The following NRXN1 variants were observed in gnomAD, a reference collection of about 807,000 sequenced individuals.
The protein encoded by NRXN1 is neurexin 1.
A neutral mutation model predicts 150.9 loss-of-function variants in NRXN1; 39 were observed. That is an observed-to-expected ratio of 0.26 (90% confidence interval 0.20 to 0.34). The LOEUF (loss-of-function observed/expected upper bound fraction) is 0.34, where lower values mean the gene tolerates loss of function less well. Among genes scored for constraint, NRXN1 ranks in the 10% least tolerant of loss-of-function variants. The probability of loss-of-function intolerance (pLI) is 1.00; values close to 1 mark genes in which losing one functional copy is unlikely to be tolerated. For missense variants in NRXN1, 1,815 were observed against 1,949.9 expected (o/e 0.93, Z 1.30); for synonymous variants, 924 against 757.0 (o/e 1.22, Z -3.62).
intron 5 of NRXN1, among the ~76,000 whole-genome samples, chr2:50,751,048 G>C (rs772186769): frequency 6.6e-6 from 1 of 151,940 alleles, no homozygotes; most frequent in South Asian, 2.1e-4. Context: ...AGAGGAGGTA[G>C]TGTCAGTGGC....
At chr2:50,155,625 C>A (rs1213796331) in intron 18 of NRXN1, among the ~76,000 whole-genome samples, 1 of 151,382 alleles carries the variant, frequency 6.6e-6, no homozygotes, top group Non-Finnish European at 1.5e-5. Context: ...TATTTTTGAT[C>A]CTGTTTTTTT....
At chr2:50,375,506 T>TTTTTTTTTTTTTTTTTTG (rs1215502536) in intron 17 of NRXN1, among the ~76,000 whole-genome samples, 1 of 142,512 alleles carries the variant, frequency 7.0e-6, no homozygotes, top group South Asian at 2.2e-4. Flanking sequence ...CTGAAGCTCT[T>TTTTTTTTTTTTTTTTTTG]AATCACTAAA....
chr2:50,395,221 C>T (rs1478040372), intron 17 of NRXN1, among the ~76,000 whole-genome samples: 1 of 151,630 alleles, frequency 6.6e-6, no homozygotes, highest in East Asian at 2.0e-4. Context: ...ATAGTTGACA[C>T]TCAACAAATG....
At chr2:49,951,927 C>T (rs1674043702) in intron 21 of NRXN1, among the ~76,000 whole-genome samples, 1 of 151,906 alleles carries the variant, frequency 6.6e-6, no homozygotes, top group Non-Finnish European at 1.5e-5. Context: ...AGCATGACTC[C>T]AAATCCAAGC....
chr2:50,481,093 C>A (rs1283511511), intron 15 of NRXN1, among the ~76,000 whole-genome samples: 1 of 152,188 alleles, frequency 6.6e-6, no homozygotes, highest in Admixed American at 6.5e-5. Context: ...TTTAGGGCTA[C>A]AATACCAGAA....
At chr2:50,684,983 T>G (rs1574092812) in intron 5 of NRXN1, among the ~76,000 whole-genome samples, 1 of 152,176 alleles carries the variant, frequency 6.6e-6, no homozygotes, top group Non-Finnish European at 1.5e-5. Flanking sequence ...GATAGCTACA[T>G]CATTAAGAAA....
At chr2:50,334,209 A>ATATG (rs57342694) in intron 17 of NRXN1, among the ~76,000 whole-genome samples, 329 of 119,136 alleles carry the variant, frequency 2.8e-3, no homozygotes, top group African/African-American at 5.4e-3. Flanking sequence ...ATATATATAT[A>ATATG]TATGTATGTA....
At chr2:50,724,972 T>C (rs941922791) in intron 5 of NRXN1, among the ~76,000 whole-genome samples, 1 of 152,238 alleles carries the variant, frequency 6.6e-6, no homozygotes, top group East Asian at 1.9e-4. Flanking sequence ...TTCTAGGTGG[T>C]AGGATTAGAA....
At chr2:50,527,687 C>T (rs1461721101) in intron 12 of NRXN1, among the ~76,000 whole-genome samples, 3 of 152,198 alleles carry the variant, frequency 2.0e-5, no homozygotes, top group Admixed American at 2.0e-4. Context: ...TCTATTTGTT[C>T]CTCAGAGGAT....
At chr2:49,947,504 T>C (rs1218052667) in intron 21 of NRXN1, among the ~76,000 whole-genome samples, 1 of 122,794 alleles carries the variant, frequency 8.1e-6, no homozygotes, top group Admixed American at 8.6e-5. Context: ...TTTTTCTTTC[T>C]TTTTTTTTTC....
intron 5 of NRXN1, among the ~76,000 whole-genome samples, chr2:50,648,218 G>C (rs2104534640): frequency 6.6e-6 from 1 of 151,940 alleles, no homozygotes; most frequent in South Asian, 2.1e-4. Context: ...ACCTCCCACA[G>C]AGACCCTCTT....
At chr2:50,886,508 T>G (rs1019011706) in intron 5 of NRXN1, among the ~76,000 whole-genome samples, 1 of 151,442 alleles carries the variant, frequency 6.6e-6, no homozygotes, top group Non-Finnish European at 1.5e-5. Context: ...AGGAATAAAT[T>G]AGACAATCTC....
At chr2:50,682,143 C>G (rs952327205) in intron 5 of NRXN1, among the ~76,000 whole-genome samples, 2 of 152,138 alleles carry the variant, frequency 1.3e-5, no homozygotes, top group Non-Finnish European at 2.9e-5. Flanking sequence ...GAATTCACAC[C>G]TGGATTAATT....
At chr2:50,210,277 TTGGTTTATTCA>T (rs2062922062) in intron 18 of NRXN1, among the ~76,000 whole-genome samples, 9 of 151,914 alleles carry the variant, frequency 5.9e-5, no homozygotes, top group Non-Finnish European at 1.2e-4. Context: ...CGCACTGTGT[TTGGTTTATTCA>T]AAAAACTCTA....
At chr2:50,751,906 C>T (rs1345537028) in intron 5 of NRXN1, among the ~76,000 whole-genome samples, 3 of 151,878 alleles carry the variant, frequency 2.0e-5, no homozygotes, top group South Asian at 4.1e-4. Flanking sequence ...AGGGTTGAAA[C>T]CTCCTCCACT....
chr2:50,626,494 AC>A (rs1244474982), intron 5 of NRXN1, among the ~76,000 whole-genome samples: 2 of 151,984 alleles, frequency 1.3e-5, no homozygotes, highest in African/African-American at 4.8e-5. Context: ...AACAATTTAC[AC>A]TGTCAAGCAT....
intron 5 of NRXN1, among the ~76,000 whole-genome samples, chr2:50,881,315 C>G (rs7604366): frequency 0.33 from 50,616 of 151,720 alleles, 9,225 homozygotes; most frequent in Non-Finnish European, 0.42. Context: ...TGCTAATGTA[C>G]TTTGTTGCAA....
At chr2:50,309,616 T>C (rs2074990057) in intron 17 of NRXN1, among the ~76,000 whole-genome samples, 1 of 152,180 alleles carries the variant, frequency 6.6e-6, no homozygotes. Flanking sequence ...ACTCTTTTAG[T>C]TATGCATAAA....
chr2:50,655,885 G>C (rs1686377501), intron 5 of NRXN1, among the ~76,000 whole-genome samples: 1 of 151,848 alleles, frequency 6.6e-6, no homozygotes, highest in South Asian at 2.1e-4. Context: ...GAAATTCTCT[G>C]GCCAGCAATT....
Sources: gnomAD v4.1 joint callset for allele counts (sites outside exome capture counted in the v4.1 genomes callset) on GRCh38, gnomAD v4.1.1 for gene constraint, MANE v1.5 for transcripts, NCBI Gene and HGNC (gene_info 2026-07-23, HGNC 2026-07-21) for gene names.